Variants in ESR1 observed in about 807,000 individuals in gnomAD.
ESR1 encodes estrogen receptor 1, also known as estrogen receptor.
In ESR1, 12 loss-of-function variants were observed where a neutral mutation model predicts 52.7. The ratio of observed to expected loss-of-function variants is 0.23; its 90% CI spans 0.15 to 0.37. The LOEUF (loss-of-function observed/expected upper bound fraction) is 0.37, where lower values mean the gene tolerates loss of function less well. ESR1 is among the 10% of genes least tolerant of loss of function. The pLI is 1.00. For synonymous variants in ESR1, 305 were observed against 316.8 expected (o/e 0.96, Z 0.39); for missense variants, 584 against 779.7 (o/e 0.75, Z 2.99).
intron 6 of ESR1, among the ~76,000 whole-genome samples, chr6:152,111,414 C>G (rs1277383471): frequency 6.6e-6 from 1 of 152,212 alleles, no homozygotes; most frequent in East Asian, 1.9e-4. Context: ...GGTTGCAGGA[C>G]AGACAGCCCT....
intron 2 of ESR1, among the ~76,000 whole-genome samples, chr6:151,793,094 C>T (rs1355348278): frequency 1.3e-5 from 2 of 151,840 alleles, no homozygotes; most frequent in Non-Finnish European, 2.9e-5. Flanking sequence ...TGGCATGAAC[C>T]CAGGAGGCGG....
intron 6 of ESR1, among the ~76,000 whole-genome samples, chr6:152,083,014 A>G (rs2049362141): frequency 6.6e-6 from 1 of 152,226 alleles, no homozygotes; most frequent in Non-Finnish European, 1.5e-5. Context: ...GGAATAATCA[A>G]TATCACGAAA....
chr6:151,945,201 G>C (rs1225965518), intron 4 of ESR1, among the ~76,000 whole-genome samples: 1 of 152,080 alleles, frequency 6.6e-6, no homozygotes, highest in East Asian at 1.9e-4. Context: ...CTCCAGCCCA[G>C]GTGACAGAGC....
At chr6:151,870,063 A>T (rs1790683605) in intron 2 of ESR1, among the ~76,000 whole-genome samples, 1 of 152,208 alleles carries the variant, frequency 6.6e-6, no homozygotes, top group Non-Finnish European at 1.5e-5. Flanking sequence ...GGCTCATTGC[A>T]TTGGCTGTAA....
chr6:152,010,604 G>T (rs563319470), intron 4 of ESR1, among the ~76,000 whole-genome samples: 3 of 152,214 alleles, frequency 2.0e-5, no homozygotes, highest in Non-Finnish European at 4.4e-5. Flanking sequence ...GTATCTTAAT[G>T]TGTGTGGTGT....
chr6:151,714,257 T>C (rs1160484199), intron 2 of ESR1, among the ~76,000 whole-genome samples: 1 of 152,168 alleles, frequency 6.6e-6, no homozygotes, highest in Non-Finnish European at 1.5e-5. Flanking sequence ...TACTTCTAAT[T>C]ATGTGGTCAA....
intron 1 of ESR1, among the ~76,000 whole-genome samples, chr6:151,692,641 C>T (rs985721383): frequency 1.3e-5 from 2 of 152,282 alleles, no homozygotes; most frequent in East Asian, 1.9e-4. Flanking sequence ...TGTGAAACCT[C>T]CTGCATATTG....
rs1778514785 is a variant in ESR1, at chr6:151,682,950, AATG to A, written n.74-18921_74-18919del. On this transcript the variant is annotated intron_variant and non_coding_transcript_variant, in intron 1 of 2. Coordinates refer to the ESR1 transcript ENST00000473497. ...TGAGCCAAAATTTAGTTGTGAGGAA[AATG>A]ATGTTAAATGCATTCATTTTCTAAA... Among the ~76,000 whole-genome samples the A allele has an allele frequency of 2.0e-5, 3 of 152,234 alleles. No individual in the cohort carries two copies. In the South Asian group the frequency reaches 6.2e-4, roughly 32 times the overall value.
At chr6:151,987,104 C>A (rs1358360772) in intron 4 of ESR1, among the ~76,000 whole-genome samples, 1 of 151,852 alleles carries the variant, frequency 6.6e-6, no homozygotes, top group Non-Finnish European at 1.5e-5. Context: ...TATTTCTCAT[C>A]CTGCAGCCTG....
chr6:151,824,711 G>C (rs867966114), intron 1 of ESR1, among the ~76,000 whole-genome samples: 1 of 152,098 alleles, frequency 6.6e-6, no homozygotes, highest in Admixed American at 6.5e-5. Flanking sequence ...TCTTGCTTTT[G>C]GGAGGCCAAG....
At chr6:151,745,546 A>G (rs560247502) in intron 2 of ESR1, among the ~76,000 whole-genome samples, 1 of 152,240 alleles carries the variant, frequency 6.6e-6, no homozygotes, top group African/African-American at 2.4e-5. Flanking sequence ...ATATCATATA[A>G]TCATAATCAT....
intron 3 of ESR1, among the ~76,000 whole-genome samples, chr6:151,942,869 T>C (rs1252274873): frequency 1.3e-5 from 2 of 152,196 alleles, no homozygotes; most frequent in African/African-American, 4.8e-5. Context: ...TGCTGTCTGA[T>C]AAATATTGGA....
intron 1 of ESR1, among the ~76,000 whole-genome samples, chr6:151,830,299 C>T (rs532128570): frequency 4.6e-5 from 7 of 152,252 alleles, no homozygotes; most frequent in African/African-American, 1.7e-4. Flanking sequence ...CTCTTCTCCT[C>T]CATTTGTATC....
upstream of ESR1, chr6:151,690,398 A>G (rs1000836875): frequency 1.3e-5 from 2 of 152,226 alleles, no homozygotes; most frequent in African/African-American, 4.8e-5. Flanking sequence ...GGCAAAAGCA[A>G]GGCCACCCCC....
chr6:152,045,603 C>G (rs1020250025), intron 5 of ESR1, among the ~76,000 whole-genome samples: 1 of 152,108 alleles, frequency 6.6e-6, no homozygotes, highest in Non-Finnish European at 1.5e-5. Flanking sequence ...TTTTCTATTA[C>G]AACAGTACCT....
chr6:152,048,355 C>A (rs1428729300), intron 5 of ESR1, among the ~76,000 whole-genome samples: 2 of 138,306 alleles, frequency 1.4e-5, no homozygotes, highest in East Asian at 4.1e-4. Context: ...AAGTGTGACA[C>A]CATCTCAAAA....
intron 2 of ESR1, among the ~76,000 whole-genome samples, chr6:151,865,904 A>G (rs1789812302): frequency 6.6e-6 from 1 of 152,304 alleles, no homozygotes; most frequent in South Asian, 2.1e-4. Flanking sequence ...TGAGAAGCCA[A>G]ACACCCTTGA....
intron 2 of ESR1, among the ~76,000 whole-genome samples, chr6:151,798,701 G>A (rs540064381): frequency 5.7e-4 from 87 of 152,330 alleles, no homozygotes; most frequent in Non-Finnish European, 1.0e-3. Flanking sequence ...AAATTGAACT[G>A]TGTCAAATCA....
At chr6:151,971,829 GA>G (rs1472356112) in intron 4 of ESR1, among the ~76,000 whole-genome samples, 1 of 152,006 alleles carries the variant, frequency 6.6e-6, no homozygotes, top group East Asian at 1.9e-4. Flanking sequence ...AAATGAAATT[GA>G]AACAAACAAC....
Sources: allele counts gnomAD v4.1 joint callset (sites outside exome capture counted in the v4.1 genomes callset), GRCh38; gene constraint gnomAD v4.1.1; transcripts MANE v1.5; gene names NCBI Gene and HGNC (gene_info 2026-07-23, HGNC 2026-07-21).